The following MROH1 variants were observed in gnomAD, a reference collection of about 807,000 sequenced individuals.
MROH1 encodes the protein maestro heat like repeat family member 1, also known as maestro heat-like repeat-containing protein family member 1.
A neutral mutation model predicts 116.5 loss-of-function variants in MROH1; 117 were observed. The ratio of observed to expected loss-of-function variants is 1.00; its 90% confidence interval spans 0.86 to 1.17. The LOEUF (loss-of-function observed/expected upper bound fraction) is 1.17, where lower values mean the gene tolerates loss of function less well. Among genes scored for constraint, MROH1 ranks in the 50% most tolerant of loss-of-function variants. The pLI is 0.00. For missense variants in MROH1, 1,873 were observed against 1,338.5 expected, an observed-to-expected ratio of 1.40 and a Z score of -6.23; for synonymous variants, 921 against 583.9, an observed-to-expected ratio of 1.58 and a Z score of -8.32.
At chr8:144,161,717 G>C (rs1216613400) in intron 2 of MROH1, among the ~76,000 whole-genome samples, 1 of 152,248 alleles carries the variant, frequency 6.6e-6, no homozygotes, top group Non-Finnish European at 1.5e-5. Context: ...TGTTTTGTTA[G>C]CTCCTGTTTG....
At chr8:144,243,331 C>T (rs1292178018) in intron 24 of MROH1, among the ~76,000 whole-genome samples, 163 bp from the exon 25 acceptor site, 2 of 152,264 alleles carry the variant, frequency 1.3e-5, no homozygotes, top group Admixed American at 6.5e-5. Context: ...GGTGGCCCCC[C>T]GCTTCTTCCA....
intron 14 of MROH1, among the ~76,000 whole-genome samples, chr8:144,227,428 T>C (rs891756453): frequency 6.6e-6 from 1 of 150,860 alleles, no homozygotes; most frequent in Non-Finnish European, 1.5e-5. Flanking sequence ...TCAATCTCCT[T>C]GAGTTCAGGA....
At chr8:144,244,098 C>A in intron 26 of MROH1, 124 bp from the exon 27 acceptor site, 1 of 697,976 alleles carries the variant, frequency 1.4e-6, no homozygotes, top group Non-Finnish European at 2.6e-6. Context: ...GCATGGGGTG[C>A]CGCCATGGTC....
At chr8:144,149,802 T>G (rs1587670993) in intron 1 of MROH1, among the ~76,000 whole-genome samples, 1 of 151,842 alleles carries the variant, frequency 6.6e-6, no homozygotes, top group East Asian at 1.9e-4. Flanking sequence ...CACCTGGTTT[T>G]GGGGGTTTGC....
chr8:144,209,965 T>C (rs1833733954), intron 12 of MROH1, among the ~76,000 whole-genome samples: 1 of 150,906 alleles, frequency 6.6e-6, no homozygotes, highest in Non-Finnish European at 1.5e-5. Flanking sequence ...GTGTGACTTA[T>C]TACATATCAT....
intron 14 of MROH1, among the ~76,000 whole-genome samples, chr8:144,230,472 G>A (rs376023902): frequency 6.8e-6 from 1 of 148,130 alleles, no homozygotes; most frequent in African/African-American, 2.5e-5. Context: ...CTTTTGACAT[G>A]CCTTCCTCAC....
At chr8:144,166,831 G>A (rs1378793834) in intron 3 of MROH1, among the ~76,000 whole-genome samples, 2 of 152,214 alleles carry the variant, frequency 1.3e-5, no homozygotes, top group Middle Eastern at 3.2e-3. Context: ...GCTTCCACAC[G>A]TGAACGGCCA....
intron 1 of MROH1, among the ~76,000 whole-genome samples, chr8:144,154,194 A>G (rs1463488091): frequency 1.3e-5 from 2 of 152,036 alleles, no homozygotes; most frequent in Non-Finnish European, 2.9e-5. Context: ...CCTTCCGAGT[A>G]GCTGGGATTA....
At chr8:144,179,608 C>T (rs1222417904) in intron 5 of MROH1, 22 bp downstream of exon 5, 1 of 1,583,882 alleles carries the variant, frequency 6.3e-7, no homozygotes, top group East Asian at 2.3e-5. Flanking sequence ...GCCCTCTGGC[C>T]TCGCAGACTC....
At chr8:144,234,199 CG>C (rs1839535595) in intron 14 of MROH1, among the ~76,000 whole-genome samples, 1 of 151,976 alleles carries the variant, frequency 6.6e-6, no homozygotes, top group Non-Finnish European at 1.5e-5. Flanking sequence ...TTAGTAGAGA[CG>C]GGGTTTCACC....
chr8:144,215,040 G>T (rs1469149211), intron 12 of MROH1, among the ~76,000 whole-genome samples: 1 of 152,144 alleles, frequency 6.6e-6, no homozygotes, highest in African/African-American at 2.4e-5. Flanking sequence ...CATCTGATTA[G>T]ATGGTGCCCA....
Position 144,205,069 on chromosome 8 carries a change from G to A in MROH1, c.1141+4528G>A, listed in dbSNP as rs560603320. ...GTCTTTAATTTTAGCCATTTTTGTG[G>A]GTATGTTATGAGGTCCTGCTTTGTT... is the stretch of plus-strand genomic sequence containing the variant. On this transcript the variant is annotated intron_variant, in intron 12 of 43. Transcript: ENST00000326134. 1.2e-4 allele frequency among the ~76,000 whole-genome samples: 19 copies of A among 152,172 alleles called. No homozygotes were observed. In the East Asian group the frequency reaches 3.7e-3, roughly 29 times the overall value.
At chr8:144,214,167 T>G (rs1834780685) in intron 12 of MROH1, 2 of 152,244 alleles carry the variant, frequency 1.3e-5, no homozygotes, top group Admixed American at 1.3e-4. Flanking sequence ...TGGAGGCTCT[T>G]CCAGCCTGGA....
chr8:144,168,466 ATGT>A lies in MROH1; in HGVS notation c.168+30_168+32del, dbSNP rs772268084. 4.4e-6 allele frequency: 7 copies of A among 1,583,166 alleles called. No homozygotes were observed. The South Asian group carries it at 8.0e-5, about 18-fold the overall frequency. ...GTATGTGTGCTCCTTGGTGGGGATG[ATGT>A]TGTCAGGGCCATGGTCGGTTGGGGC... On this transcript the variant is annotated intron_variant, in intron 4 of 43. Coordinates refer to ENST00000326134, the MANE Select transcript of MROH1 (RefSeq NM_032450.3).
chr8:144,173,715 G>A (rs765097901), intron 4 of MROH1, among the ~76,000 whole-genome samples: 50 of 152,258 alleles, frequency 3.3e-4, no homozygotes, highest in Non-Finnish European at 5.6e-4. Flanking sequence ...GAGCCACTCC[G>A]CCCAGCCATA....
chr8:144,221,548 C>T (rs1048130391), intron 13 of MROH1, among the ~76,000 whole-genome samples: 3 of 152,038 alleles, frequency 2.0e-5, no homozygotes, highest in African/African-American at 7.2e-5. Flanking sequence ...GCTGGGCCTC[C>T]TCTTGAGGTC....
In MROH1 at chr8:144,261,235, C is replaced by G; in HGVS notation, c.4774+19C>G. ...TTCACCGGTAAGCACCACCCCCTGC[C>G]CCACCCCCACGCCGCCCGGCAGCCC... On this transcript the variant is annotated intron_variant, in intron 42 of 43. Coordinates refer to ENST00000326134, the MANE Select transcript of MROH1 (RefSeq NM_032450.3). The G allele has an allele frequency of 5.2e-6, 4 of 762,688 alleles. No homozygotes were observed. The South Asian group carries it at 5.4e-5, about 10-fold the overall frequency. The allele number at this position is 762,688 out of a possible 1,614,324, so 47.2% of individuals were successfully genotyped here. A position where few individuals can be genotyped will look rare whatever the true frequency, so the allele number is the denominator to read the frequency against.
At chr8:144,255,905 C>T (rs1843659607) in intron 35 of MROH1, among the ~76,000 whole-genome samples, 200 bp downstream of exon 35, 2 of 151,932 alleles carry the variant, frequency 1.3e-5, no homozygotes, top group South Asian at 2.1e-4. Flanking sequence ...CTCACACTGG[C>T]TGTGAAGGCC....
chr8:144,158,818 C>T (rs1818800535), intron 1 of MROH1, among the ~76,000 whole-genome samples: 1 of 151,902 alleles, frequency 6.6e-6, no homozygotes, highest in Non-Finnish European at 1.5e-5. Context: ...GATCTCTGCT[C>T]ACTGCAGCAT....
Sources: gnomAD v4.1 joint callset for allele counts (sites outside exome capture counted in the v4.1 genomes callset) on GRCh38, gnomAD v4.1.1 for gene constraint, MANE v1.5 for transcripts, NCBI Gene and HGNC (gene_info 2026-07-23, HGNC 2026-07-21) for gene names.